Variants in SETBP1 observed in about 807,000 individuals in gnomAD.
The protein encoded by SETBP1 is SET binding protein 1.
A neutral mutation model predicts 101.0 loss-of-function variants in SETBP1; 9 were observed. That is an observed-to-expected ratio of 0.09 (90% confidence interval 0.05 to 0.16). SETBP1 has a LOEUF of 0.16. Ranked by LOEUF, SETBP1 falls within the 10% of genes least tolerant of loss-of-function variation. The probability of loss-of-function intolerance (pLI) is 1.00; values close to 1 mark genes in which losing one functional copy is unlikely to be tolerated. For synonymous variants in SETBP1, 818 were observed against 788.5 expected, an observed-to-expected ratio of 1.04 and a Z score of -0.63; for missense variants, 1,858 against 2,033.8, an observed-to-expected ratio of 0.91 and a Z score of 1.66.
chr18:45,022,554 G>A (rs564090140), intron 4 of SETBP1, among the ~76,000 whole-genome samples: 129 of 152,322 alleles, frequency 8.5e-4, no homozygotes, highest in Non-Finnish European at 1.4e-3. Context: ...TACAGGCCAG[G>A]CACGGTGGCC....
chr18:44,999,809 A>C (rs1032526022), intron 4 of SETBP1, among the ~76,000 whole-genome samples: 1 of 152,226 alleles, frequency 6.6e-6, no homozygotes, highest in Non-Finnish European at 1.5e-5. Flanking sequence ...TGAATCATGT[A>C]ATGCTGGATA....
chr18:44,995,135 CTTTTT>C (rs58617770), intron 4 of SETBP1, among the ~76,000 whole-genome samples: 16 of 95,008 alleles, frequency 1.7e-4, no homozygotes, highest in African/African-American at 5.9e-4. Flanking sequence ...ATGTTATTTA[CTTTTT>C]TTTTTTTTTT....
intron 2 of SETBP1, among the ~76,000 whole-genome samples, chr18:44,868,712 GAGGAAGGAAGGAAGGAAGGA>G (rs67399583): frequency 4.2e-3 from 117 of 27,852 alleles, no homozygotes; most frequent in African/African-American, 0.015. Context: ...GGAAGGAAGG[GAGGAAGGAAGGAAGGAAGGA>G]AGGAAGGAAG....
intron 4 of SETBP1, among the ~76,000 whole-genome samples, chr18:44,985,077 G>A (rs927676445): frequency 6.6e-6 from 1 of 152,164 alleles, no homozygotes; most frequent in African/African-American, 2.4e-5. Flanking sequence ...GGAGGCGGAG[G>A]TTGCAGTGAG....
chr18:44,818,233 A>C (rs1366862961), intron 2 of SETBP1, among the ~76,000 whole-genome samples: 1 of 152,130 alleles, frequency 6.6e-6, no homozygotes, highest in East Asian at 1.9e-4. Flanking sequence ...GAGATGTTTC[A>C]TTGCATGTTT....
chr18:44,868,470 G>A (rs996406258), intron 2 of SETBP1, among the ~76,000 whole-genome samples: 10 of 152,008 alleles, frequency 6.6e-5, no homozygotes, highest in South Asian at 4.1e-4. Context: ...CAAGGCAGGC[G>A]TATCACCTGA....
At chr18:44,896,154 G>A (rs1292477614) in intron 3 of SETBP1, among the ~76,000 whole-genome samples, 1 of 152,158 alleles carries the variant, frequency 6.6e-6, no homozygotes, top group Non-Finnish European at 1.5e-5. Flanking sequence ...GCTGAAAGGG[G>A]TGGTATTGGG....
Position 44,952,635 on chromosome 18 carries a change from T to G in SETBP1, c.3295T>G (p.Ser1099Ala). ...GCCACCACCTCAGTTCCACACAAAC[T>G]CCCACGTAAAGATGTCCGGTGCAGC... is the stretch of plus-strand genomic sequence containing the variant. ...TVPPPQFHTN[S>A]HVKMSGAAKH... The change falls in exon 4 of 6, where the codon TCC (serine) becomes GCC (alanine). Residue 1099 changes from serine to alanine, a missense_variant. Ser to Ala is a moderately conservative substitution (Grantham distance 99). Coordinates refer to ENST00000649279, the MANE Select transcript of SETBP1 (RefSeq NM_015559.3). The G allele has an allele frequency of 6.2e-7, 1 of 1,613,746 alleles. No individual in the cohort carries two copies. The highest frequency in any genetic ancestry group is 8.5e-7 in the Non-Finnish European group (1 of 1,179,802).
At chr18:44,872,865 T>C (rs1017942853) in intron 3 of SETBP1, among the ~76,000 whole-genome samples, 2 of 152,214 alleles carry the variant, frequency 1.3e-5, no homozygotes, top group South Asian at 2.1e-4. Flanking sequence ...ACAACGAACG[T>C]CCACCACAGA....
At chr18:44,908,378 CCTTCTT>C (rs904285052) in intron 3 of SETBP1, among the ~76,000 whole-genome samples, 1 of 151,930 alleles carries the variant, frequency 6.6e-6, no homozygotes, top group Non-Finnish European at 1.5e-5. Context: ...TTCTCCTTCT[CCTTCTT>C]CTTCTCCACT....
chr18:44,775,232 C>G (rs1456628220), intron 2 of SETBP1, among the ~76,000 whole-genome samples: 2 of 152,088 alleles, frequency 1.3e-5, no homozygotes, highest in Non-Finnish European at 2.9e-5. Flanking sequence ...TGGGCAAGGT[C>G]CTACACTGAC....
chr18:44,857,160 C>T (rs1443203356), intron 2 of SETBP1, among the ~76,000 whole-genome samples: 2 of 152,152 alleles, frequency 1.3e-5, no homozygotes, highest in African/African-American at 4.8e-5. Context: ...AAACATGAAA[C>T]CTCTTCTTCT....
chr18:44,990,869 A>T (rs1452189632), intron 4 of SETBP1, among the ~76,000 whole-genome samples: 1 of 151,080 alleles, frequency 6.6e-6, no homozygotes, highest in Non-Finnish European at 1.5e-5. Context: ...TATAATATCT[A>T]AGTTAGCCAC....
intron 5 of SETBP1, among the ~76,000 whole-genome samples, chr18:45,050,183 C>G (rs1427728490): frequency 6.6e-6 from 1 of 152,168 alleles, no homozygotes; most frequent in Non-Finnish European, 1.5e-5. Context: ...AATGTTAGTT[C>G]CTTCCCTCTT....
chr18:44,730,818 A>G (rs929802962), intron 2 of SETBP1, among the ~76,000 whole-genome samples: 3 of 152,208 alleles, frequency 2.0e-5, no homozygotes, highest in Non-Finnish European at 2.9e-5. Context: ...GACGAGACAC[A>G]AGATGTTCTA....
chr18:44,791,212 G>T (rs925289917), intron 2 of SETBP1, among the ~76,000 whole-genome samples: 3 of 152,138 alleles, frequency 2.0e-5, no homozygotes, highest in Non-Finnish European at 2.9e-5. Context: ...AGGCGCTCTT[G>T]TATCTAGTGG....
intron 4 of SETBP1, among the ~76,000 whole-genome samples, chr18:44,993,545 G>A (rs189875405): frequency 1.1e-3 from 174 of 151,912 alleles, no homozygotes; most frequent in African/African-American, 3.7e-3. Context: ...AAAGTAATAC[G>A]ATACCTAGAA....
At chr18:44,708,660 G>C (rs1015951826) in intron 2 of SETBP1, among the ~76,000 whole-genome samples, 3 of 152,028 alleles carry the variant, frequency 2.0e-5, no homozygotes, top group African/African-American at 7.3e-5. Context: ...CCTGGGCACC[G>C]GCTCTGCCTC....
At chr18:44,808,854 A>C (rs1787929369) in intron 2 of SETBP1, among the ~76,000 whole-genome samples, 1 of 152,200 alleles carries the variant, frequency 6.6e-6, no homozygotes, top group South Asian at 2.1e-4. Context: ...CTTATGAGTA[A>C]CTGGGAGTTG....
Sources: gnomAD v4.1 joint callset for allele counts (sites outside exome capture counted in the v4.1 genomes callset) on GRCh38, gnomAD v4.1.1 for gene constraint, MANE v1.5 for transcripts, NCBI Gene and HGNC (gene_info 2026-07-23, HGNC 2026-07-21) for gene names.